Variants in PPFIBP2 observed in about 807,000 individuals in gnomAD.
PPFIBP2 encodes the protein PPFIB scaffold protein 2, also known as liprin-beta-2.
PPFIBP2 carries 118 observed loss-of-function variants against 118.3 expected under a neutral mutation model. That is an observed-to-expected ratio of 1.00 (90% CI 0.86 to 1.16). The LOEUF (loss-of-function observed/expected upper bound fraction) is 1.16. PPFIBP2 is among the 50% of genes most tolerant of loss of function. The pLI, the probability that PPFIBP2 is intolerant of heterozygous loss-of-function variation, is 0.00. For missense variants in PPFIBP2, 1,195 were observed against 1,073.1 expected (o/e 1.11, Z -1.59); for synonymous variants, 414 against 397.4 (o/e 1.04, Z -0.50).
chr11:7,597,201 G>A, intron 4 of PPFIBP2: 1 of 1,485,892 alleles, frequency 6.7e-7, no homozygotes, highest in Non-Finnish European at 8.9e-7. Context: ...AGAAGTGCTG[G>A]CAAGCCAGCT....
downstream of PPFIBP2, chr11:7,655,317 TC>T (rs1222750995): frequency 6.3e-5 from 46 of 734,496 alleles, no homozygotes; most frequent in Non-Finnish European, 2.0e-6. Context: ...TGCCTGTCCC[TC>T]CAGAGAAGCA....
intron 5 of PPFIBP2, among the ~76,000 whole-genome samples, chr11:7,603,828 T>A (rs1282633328): frequency 6.6e-6 from 1 of 152,052 alleles, no homozygotes; most frequent in African/African-American, 2.4e-5. Flanking sequence ...AGTTTCATGG[T>A]CCATCACAGT....
At chr11:7,599,936 G>T (rs188613216) in intron 5 of PPFIBP2, among the ~76,000 whole-genome samples, 1 of 151,518 alleles carries the variant, frequency 6.6e-6, no homozygotes, top group Non-Finnish European at 1.5e-5. Flanking sequence ...GAGCCACTGC[G>T]CCCGGCCTCA....
intron 2 of PPFIBP2, among the ~76,000 whole-genome samples, chr11:7,551,074 ATTAG>A (rs1463303231): frequency 3.9e-5 from 6 of 151,996 alleles, no homozygotes; most frequent in African/African-American, 1.2e-4. Context: ...TCTATCTCCT[ATTAG>A]TTCTGTCCCT....
intron 15 of PPFIBP2, among the ~76,000 whole-genome samples, chr11:7,640,562 T>G (rs375558286): frequency 1.5e-4 from 23 of 152,358 alleles, no homozygotes; most frequent in African/African-American, 5.5e-4. Flanking sequence ...AGCTCTTCCC[T>G]GAGCTGGCCC....
At chr11:7,602,722 A>G (rs1359525668) in intron 5 of PPFIBP2, among the ~76,000 whole-genome samples, 2 of 152,238 alleles carry the variant, frequency 1.3e-5, no homozygotes, top group African/African-American at 4.8e-5. Context: ...GGACAACACC[A>G]GCCTCTATTT....
intron 1 of PPFIBP2, among the ~76,000 whole-genome samples, chr11:7,532,240 C>G (rs1477968814): frequency 6.6e-6 from 1 of 152,150 alleles, no homozygotes; most frequent in Non-Finnish European, 1.5e-5. Flanking sequence ...AAGTACACCA[C>G]CTATTGGATT....
At chr11:7,641,726 CA>C in intron 16 of PPFIBP2, 106 bp downstream of exon 16, 1 of 1,118,242 alleles carries the variant, frequency 8.9e-7, no homozygotes, top group Non-Finnish European at 1.3e-6. Context: ...AAACAGCAGT[CA>C]AAACAGAGTG....
At chr11:7,659,138 CTTTAG>C (rs1195928883), downstream of PPFIBP2, among the ~76,000 whole-genome samples, 1 of 149,334 alleles carries the variant, frequency 6.7e-6, no homozygotes, top group African/African-American at 2.5e-5. Flanking sequence ...TGCAGAAGCT[CTTTAG>C]TTTAATTAGA....
At chr11:7,604,199 G>A (rs1186972052) in intron 5 of PPFIBP2, among the ~76,000 whole-genome samples, 1 of 152,164 alleles carries the variant, frequency 6.6e-6, no homozygotes, top group Non-Finnish European at 1.5e-5. Flanking sequence ...AGAAAATGGA[G>A]AAGAAAAAAG....
At chr11:7,521,904 G>C (rs1165660406) in intron 1 of PPFIBP2, among the ~76,000 whole-genome samples, 1 of 152,218 alleles carries the variant, frequency 6.6e-6, no homozygotes, top group African/African-American at 2.4e-5. Context: ...GCTAGAGTCA[G>C]GGGGTTGGGT....
chr11:7,572,386 C>T (rs561271724), intron 3 of PPFIBP2, among the ~76,000 whole-genome samples: 25 of 152,292 alleles, frequency 1.6e-4, no homozygotes, highest in Middle Eastern at 3.4e-3. Context: ...TCCCTGCCCC[C>T]CAAAGTAAAT....
rs1590578941 is a variant in PPFIBP2, at chr11:7,610,632, A to G, written c.618+210A>G. 2.8e-5 allele frequency: 16 copies of G among 563,978 alleles called. No homozygotes were observed. The East Asian group carries it at 5.1e-4, about 18-fold the overall frequency. 34.9% of individuals were successfully genotyped at this position (563,978 alleles called of 1,614,324 possible). A position where few individuals can be genotyped will look rare whatever the true frequency, so the allele number is the denominator to read the frequency against. ...ATCCAAACCAGCCAGTTTTGGCTCT[A>G]AGGCTTTATCTGCCCTCAAACTGCT... On this transcript the variant is annotated intron_variant, in intron 6 of 23. Coordinates refer to ENST00000299492, the MANE Select transcript of PPFIBP2 (RefSeq NM_003621.5).
intron 1 of PPFIBP2, among the ~76,000 whole-genome samples, chr11:7,540,250 T>G (rs1285703006): frequency 2.5e-5 from 3 of 121,348 alleles, no homozygotes; most frequent in Admixed American, 2.2e-4. Context: ...ATGAGGGGTG[T>G]GGGGGGGCGG....
chr11:7,635,447 C>T (rs1851326792), intron 13 of PPFIBP2, 105 bp from the exon 14 acceptor site: 5 of 1,077,716 alleles, frequency 4.6e-6, no homozygotes, highest in East Asian at 2.4e-5. Flanking sequence ...GGAGGGGATG[C>T]GCCTTTCAGA....
intron 3 of PPFIBP2, among the ~76,000 whole-genome samples, chr11:7,570,389 A>G (rs1310927346): frequency 6.6e-6 from 1 of 151,992 alleles, no homozygotes; most frequent in Non-Finnish European, 1.5e-5. Flanking sequence ...CTCTAACAGT[A>G]TGTTATGTAC....
downstream of PPFIBP2, chr11:7,655,555 T>TTGGTG (rs796112167): frequency 3.4e-5 from 43 of 1,250,594 alleles, no homozygotes; most frequent in East Asian, 1.1e-4. Context: ...CCCAGTGAGT[T>TTGGTG]TGGTGTGGTG....
intron 1 of PPFIBP2, among the ~76,000 whole-genome samples, chr11:7,538,876 C>A (rs1299177063): frequency 2.0e-5 from 3 of 152,212 alleles, no homozygotes; most frequent in African/African-American, 7.2e-5. Context: ...TCAGCCCCCA[C>A]TGGCCTGAGC....
intron 3 of PPFIBP2, among the ~76,000 whole-genome samples, chr11:7,573,062 G>T (rs916276770): frequency 2.6e-5 from 4 of 152,214 alleles, no homozygotes; most frequent in African/African-American, 9.6e-5. Flanking sequence ...ATACAGGCAT[G>T]AGCCACCATA....
Sources: gnomAD v4.1 joint callset for allele counts (sites outside exome capture counted in the v4.1 genomes callset) on GRCh38, gnomAD v4.1.1 for gene constraint, MANE v1.5 for transcripts, NCBI Gene and HGNC (gene_info 2026-07-23, HGNC 2026-07-21) for gene names.